The following SLIT3 variants were observed in gnomAD, a reference collection of about 807,000 sequenced individuals.
SLIT3 encodes slit guidance ligand 3, also known as slit homolog 3 protein.
SLIT3 carries 68 observed loss-of-function variants against 184.0 expected under a neutral mutation model. The ratio of observed to expected loss-of-function variants is 0.37; its 90% confidence interval spans 0.30 to 0.45. The LOEUF (loss-of-function observed/expected upper bound fraction) is 0.45. Among genes scored for constraint, SLIT3 ranks in the 20% least tolerant of loss-of-function variants. The pLI is 1.00. For missense variants in SLIT3, 1,707 were observed against 2,026.0 expected, an observed-to-expected ratio of 0.84 and a Z score of 3.02; for synonymous variants, 831 against 828.6, an observed-to-expected ratio of 1.00 and a Z score of -0.05.
intron 6 of SLIT3, among the ~76,000 whole-genome samples, chr5:168,826,101 A>G (rs556847485): frequency 1.3e-5 from 2 of 152,372 alleles, no homozygotes; most frequent in South Asian, 4.1e-4. Context: ...ATACAGTACA[A>G]TTATAAGCAG....
intron 4 of SLIT3, among the ~76,000 whole-genome samples, chr5:169,173,075 A>G (rs1004464327): frequency 6.6e-6 from 1 of 152,208 alleles, no homozygotes; most frequent in African/African-American, 2.4e-5. Flanking sequence ...CAGGCTGACT[A>G]ACATGATGAA....
At chr5:169,287,529 C>A (rs1767200386) in intron 1 of SLIT3, among the ~76,000 whole-genome samples, 1 of 152,150 alleles carries the variant, frequency 6.6e-6, no homozygotes, top group South Asian at 2.1e-4. Flanking sequence ...AAGCTGAGGT[C>A]CTCTCTGGTG....
At chr5:168,999,083 T>C (rs1755612565) in intron 4 of SLIT3, among the ~76,000 whole-genome samples, 1 of 152,086 alleles carries the variant, frequency 6.6e-6, no homozygotes, top group Admixed American at 6.5e-5. Flanking sequence ...CCAGCTATTT[T>C]TAAATTTGTT....
rs189228738 is a variant in SLIT3 at position 169,053,745 on chromosome 5, A to G, written c.413+139734T>C. On this transcript the variant is annotated intron_variant, in intron 4 of 35. Coordinates refer to ENST00000519560, the MANE Select transcript of SLIT3 (RefSeq NM_003062.4). The stretch of plus-strand genomic sequence containing the variant: ...GTTACAGGTGAATTATGTCCCCCCA[A>G]AAGATTATGTTGTGGCCCAAAGCCC... Among the ~76,000 whole-genome samples, 994 of 150,768 alleles carry G rather than the reference A, an allele frequency of 6.6e-3. 15 individuals are homozygous for G. Among genetic ancestry groups the G allele is most frequent in the African/African-American group, 0.023 (930 of 40,928 alleles).
At chr5:168,924,648 T>A (rs1290141211) in intron 4 of SLIT3, among the ~76,000 whole-genome samples, 8 of 152,054 alleles carry the variant, frequency 5.3e-5, no homozygotes, top group Admixed American at 5.2e-4. Context: ...TAGCTGGGAT[T>A]AGAGATACAT....
chr5:169,083,498 T>G (rs1581390471), intron 4 of SLIT3, among the ~76,000 whole-genome samples: 1 of 152,216 alleles, frequency 6.6e-6, no homozygotes, highest in East Asian at 1.9e-4. Flanking sequence ...CGCCTTAAAC[T>G]TACAGTCCCA....
chr5:168,771,690 A>G (rs983475979), intron 14 of SLIT3, among the ~76,000 whole-genome samples: 1 of 152,190 alleles, frequency 6.6e-6, no homozygotes, highest in African/African-American at 2.4e-5. Flanking sequence ...AGCCCTCCCA[A>G]GGTATTAGTT....
intron 4 of SLIT3, among the ~76,000 whole-genome samples, chr5:169,155,668 GT>G (rs1762278616): frequency 6.6e-6 from 1 of 152,198 alleles, no homozygotes; most frequent in Non-Finnish European, 1.5e-5. Flanking sequence ...GAATTCTGAG[GT>G]TTTTCCTTTC....
At chr5:168,683,851 G>T (rs955762828) in intron 32 of SLIT3, 115 bp downstream of exon 32, 2 of 971,378 alleles carry the variant, frequency 2.1e-6, no homozygotes, top group Non-Finnish European at 2.8e-6. Context: ...GTGCGTGGTA[G>T]GGGCGGGGAG....
In SLIT3 at chr5:168,789,625, G is replaced by A. The variant is rs1756284368; in HGVS notation, c.1014C>T (p.Ile338=). Reference sequence around the variant, plus strand: ...CAATATCCGATATCTGATTCTTGCTGATGTCTCTGAAAACGTTAACGGTAA... The same window carrying A: ...CAATATCCGATATCTGATTCTTGCTAATGTCTCTGAAAACGTTAACGGTAA... ...TQYKKLKRID[I]SKNQISDIAP... The change falls in exon 11 of 36, where the codon ATC becomes ATT. Residue 338 remains isoleucine, a synonymous_variant. Coordinates refer to ENST00000519560, the MANE Select transcript of SLIT3 (RefSeq NM_003062.4). The A allele has an allele frequency of 6.2e-7, 1 of 1,613,240 alleles. No homozygotes were observed. Among genetic ancestry groups the A allele is most frequent in the East Asian group, 2.2e-5 (1 of 44,860 alleles).
In SLIT3 at chr5:168,704,860, A is replaced by T. The variant is rs181411647; in HGVS notation, c.2844+3116T>A. On this transcript the variant is annotated intron_variant, in intron 26 of 35. Coordinates refer to ENST00000519560, the MANE Select transcript of SLIT3 (RefSeq NM_003062.4). Reference sequence around the variant, plus strand: ...ATCTGGGGATTTCTGTTAGCCACTCATGCAGAACTACCATCTTAGTCGCTC... The same window carrying T: ...ATCTGGGGATTTCTGTTAGCCACTCTTGCAGAACTACCATCTTAGTCGCTC... Among the ~76,000 whole-genome samples the T allele has an allele frequency of 2.2e-3, 337 of 152,284 alleles. 2 individuals are homozygous for T. Among genetic ancestry groups the T allele is most frequent in the Middle Eastern group, 0.02 (6 of 294 alleles).
At chr5:168,829,101 A>T (rs1304544033) in intron 6 of SLIT3, among the ~76,000 whole-genome samples, 2 of 152,088 alleles carry the variant, frequency 1.3e-5, no homozygotes, top group African/African-American at 4.8e-5. Context: ...ATCCCTCAAG[A>T]TAGCCATCTT....
chr5:168,822,201 C>T (rs951427431), intron 7 of SLIT3, among the ~76,000 whole-genome samples: 5 of 152,190 alleles, frequency 3.3e-5, no homozygotes, highest in African/African-American at 9.7e-5. Flanking sequence ...CAGCACAGAT[C>T]AGATGGCTGC....
At chr5:169,265,282 C>T (rs771295118) in intron 1 of SLIT3, among the ~76,000 whole-genome samples, 4 of 152,116 alleles carry the variant, frequency 2.6e-5, no homozygotes, top group Middle Eastern at 3.2e-3. Flanking sequence ...GTCTGGTTCT[C>T]ACTGTGATTT....
rs373430938 is a variant in SLIT3 at position 168,740,116 on chromosome 5, G to C, written c.2270+8186C>G. Reference sequence around the variant, plus strand: ...CTTCTGAAAAGCATAAAGGAGTCCTGAGACCTAAACATTTAAGAGCCTCTG... The same window carrying C: ...CTTCTGAAAAGCATAAAGGAGTCCTCAGACCTAAACATTTAAGAGCCTCTG... On this transcript the variant is annotated intron_variant, in intron 20 of 35. Coordinates refer to ENST00000519560, the MANE Select transcript of SLIT3 (RefSeq NM_003062.4). Among the ~76,000 whole-genome samples the C allele has an allele frequency of 2.0e-5, 3 of 152,288 alleles. No individual in the cohort carries two copies. The East Asian group carries it at 5.8e-4, about 29-fold the overall frequency.
chr5:168,687,687 C>T (rs1194290470), intron 29 of SLIT3, among the ~76,000 whole-genome samples: 1 of 152,224 alleles, frequency 6.6e-6, no homozygotes, highest in Non-Finnish European at 1.5e-5. Flanking sequence ...TGATAAATAA[C>T]TCCACCTCTT....
At chr5:168,987,864 T>C (rs1755189597) in intron 4 of SLIT3, among the ~76,000 whole-genome samples, 1 of 152,228 alleles carries the variant, frequency 6.6e-6, no homozygotes, top group Admixed American at 6.5e-5. Context: ...GTTAGGTAGG[T>C]GGGGGGACTG....
intron 5 of SLIT3, among the ~76,000 whole-genome samples, chr5:168,863,972 A>G (rs1759205256): frequency 6.6e-6 from 1 of 151,614 alleles, no homozygotes. Flanking sequence ...TAATTTCAGC[A>G]CTTTGGAAGA....
Position 169,126,771 on chromosome 5 carries a change from A to G in SLIT3, c.413+66708T>C, listed in dbSNP as rs560816294. Among the ~76,000 whole-genome samples the G allele has an allele frequency of 5.3e-5, 8 of 152,362 alleles. No individual in the cohort carries two copies. In the South Asian group the frequency reaches 1.7e-3, roughly 32 times the overall value. On this transcript the variant is annotated intron_variant, in intron 4 of 35. Transcript: ENST00000519560. ...GGAGAGGCAGGCCCTGCTGAGTCAGAGCCCAGAGGTGACAGGAGGAGACAG... is the reference window on the plus strand; with the variant it reads ...GGAGAGGCAGGCCCTGCTGAGTCAGGGCCCAGAGGTGACAGGAGGAGACAG...
Sources: gnomAD v4.1 joint callset for allele counts (sites outside exome capture counted in the v4.1 genomes callset) on GRCh38, gnomAD v4.1.1 for gene constraint, MANE v1.5 for transcripts, NCBI Gene and HGNC (gene_info 2026-07-23, HGNC 2026-07-21) for gene names.